Variants in ABCD3 observed in about 807,000 individuals in gnomAD.
ABCD3 encodes ATP binding cassette subfamily D member 3, also known as ATP-binding cassette sub-family D member 3.
A neutral mutation model predicts 105.5 loss-of-function variants in ABCD3; 41 were observed. That is an observed-to-expected ratio of 0.39 (90% CI 0.30 to 0.50). ABCD3 has a LOEUF of 0.50. ABCD3 is among the 20% of genes least tolerant of loss of function. The pLI, the probability that ABCD3 is intolerant of heterozygous loss-of-function variation, is 0.84. For missense variants in ABCD3, 622 were observed against 806.3 expected, an observed-to-expected ratio of 0.77 and a Z score of 2.77; for synonymous variants, 258 against 269.0, an observed-to-expected ratio of 0.96 and a Z score of 0.40.
At chr1:94,461,887 A>T (rs1292715105) in intron 2 of ABCD3, among the ~76,000 whole-genome samples, 1 of 152,174 alleles carries the variant, frequency 6.6e-6, no homozygotes, top group East Asian at 1.9e-4. Context: ...TTGATAAATG[A>T]TACATAATAG....
At chr1:94,470,561 T>C (rs1648403641) in intron 4 of ABCD3, among the ~76,000 whole-genome samples, 1 of 152,150 alleles carries the variant, frequency 6.6e-6, no homozygotes, top group African/African-American at 2.4e-5. Context: ...TCACTGAACA[T>C]TGGTATGAAT....
intron 21 of ABCD3, among the ~76,000 whole-genome samples, chr1:94,513,112 T>C (rs1178882380): frequency 6.6e-6 from 1 of 152,128 alleles, no homozygotes; most frequent in African/African-American, 2.4e-5. Context: ...TGCTATTCTT[T>C]GTAGAAAGAT....
At chr1:94,473,459 A>C (rs1557677766) in intron 4 of ABCD3, among the ~76,000 whole-genome samples, 2 of 152,146 alleles carry the variant, frequency 1.3e-5, no homozygotes, top group South Asian at 4.1e-4. Flanking sequence ...GTTAATTGTT[A>C]TGCTAGCTTA....
Position 94,499,621 on chromosome 1 carries a change from A to G in ABCD3, c.1740+7A>G. 3 of 1,613,416 alleles carry G rather than the reference A, an allele frequency of 1.9e-6. No individual in the cohort carries two copies. Among genetic ancestry groups the G allele is most frequent in the Non-Finnish European group, 1.7e-6 (2 of 1,179,552 alleles). On this transcript the variant is annotated splice_region_variant and intron_variant, in intron 20 of 22. Transcript: ENST00000370214. Reference sequence around the variant, plus strand: ...AGAAAAGCAAAGAATGGCGGTAAGTATACTGTGAAGAAGTTGCACAAGAAT... The same window carrying G: ...AGAAAAGCAAAGAATGGCGGTAAGTGTACTGTGAAGAAGTTGCACAAGAAT...
chr1:94,399,937 T>G, the ABCD3 span, among the ~76,000 whole-genome samples: 1 of 152,106 alleles, frequency 6.6e-6, no homozygotes, highest in African/African-American at 2.4e-5. Flanking sequence ...CAGAAGGTCA[T>G]AGCATCTGGA....
chr1:94,428,537 G>T (rs1490085272), intron 1 of ABCD3, among the ~76,000 whole-genome samples: 1 of 152,220 alleles, frequency 6.6e-6, no homozygotes, highest in East Asian at 1.9e-4. Context: ...AGTACGATAT[G>T]GTTTGGCTGT....
the ABCD3 span, among the ~76,000 whole-genome samples, chr1:94,389,080 C>T: frequency 7.9e-5 from 12 of 152,300 alleles, no homozygotes; most frequent in East Asian, 1.7e-3. Context: ...CTATTGGTAT[C>T]GCACACTTCA....
chr1:94,471,833 A>G (rs985599922), intron 4 of ABCD3, among the ~76,000 whole-genome samples: 4 of 152,134 alleles, frequency 2.6e-5, no homozygotes, highest in Non-Finnish European at 4.4e-5. Flanking sequence ...CCTCAAAGAG[A>G]CTTATTATGG....
At chr1:94,413,721 C>A (rs1157748906), upstream of ABCD3, among the ~76,000 whole-genome samples, 3 of 152,122 alleles carry the variant, frequency 2.0e-5, no homozygotes, top group Admixed American at 2.0e-4. Flanking sequence ...CTTTTCTGAG[C>A]AAAGATGATT....
At chr1:94,492,891 CT>C (rs1481003727) in intron 16 of ABCD3, among the ~76,000 whole-genome samples, 5 of 152,292 alleles carry the variant, frequency 3.3e-5, no homozygotes, top group South Asian at 2.1e-4. Context: ...AAAGCTGTCA[CT>C]TTCTTTTTAG....
intron 21 of ABCD3, among the ~76,000 whole-genome samples, chr1:94,509,200 T>C (rs1315203382): frequency 1.3e-5 from 2 of 152,230 alleles, no homozygotes; most frequent in Non-Finnish European, 2.9e-5. Flanking sequence ...CATGAATGGT[T>C]GTTGAATTTT....
intron 4 of ABCD3, 124 bp from the exon 5 acceptor site, chr1:94,473,642 T>C: frequency 1.2e-6 from 1 of 818,612 alleles, no homozygotes; most frequent in Non-Finnish European, 2.0e-6. Flanking sequence ...TTTTAGCATC[T>C]TTTTTATTGA....
At chr1:94,426,606 A>C (rs1659478133) in intron 1 of ABCD3, among the ~76,000 whole-genome samples, 1 of 150,684 alleles carries the variant, frequency 6.6e-6, no homozygotes, top group Non-Finnish European at 1.5e-5. Flanking sequence ...GCAGTGGTGC[A>C]ATTTTGGCTT....
At chr1:94,453,323 C>CTT (rs766404829) in intron 1 of ABCD3, among the ~76,000 whole-genome samples, 10 of 135,460 alleles carry the variant, frequency 7.4e-5, no homozygotes, top group African/African-American at 1.4e-4. Flanking sequence ...TTATATTTTT[C>CTT]TTTTTTTTTT....
At chr1:94,480,366 C>T in intron 8 of ABCD3, 98 bp from the exon 9 acceptor site, 1 of 1,476,314 alleles carries the variant, frequency 6.8e-7, no homozygotes, top group Non-Finnish European at 9.4e-7. Flanking sequence ...TTCTTTCAGT[C>T]ATTGAGGTTA....
Position 94,480,470 on chromosome 1 carries a change from G to A in ABCD3, c.691G>A (p.Ala231Thr), listed in dbSNP as rs760109458. ...LTSAIGAQGP[A>T]SMMAYLVVSG... is the part of the protein sequence containing the mutation. ...TCTCTCCCAATAATAATAGGGCCCAGCGAGCATGATGGCCTACTTGGTTGT... is the reference window on the plus strand; with the variant it reads ...TCTCTCCCAATAATAATAGGGCCCAACGAGCATGATGGCCTACTTGGTTGT... Residue 231 changes from alanine (A) to threonine (T), a missense_variant, in exon 9 of 23, where the codon GCG becomes ACG. This residue lies in a region of ABCD3 where 245 missense variants were observed against 356.4 expected (regional missense o/e 0.69). Coordinates refer to ENST00000370214, the MANE Select transcript of ABCD3 (RefSeq NM_002858.4). The A allele has an allele frequency of 6.2e-6, 10 of 1,613,690 alleles. No individual in the cohort carries two copies. The Admixed American group carries it at 1.5e-4, about 24-fold the overall frequency.
intron 19 of ABCD3, 40 bp from the exon 20 acceptor site, chr1:94,499,455 A>C (rs1314909532): frequency 3.1e-6 from 5 of 1,593,198 alleles, no homozygotes; most frequent in African/African-American, 1.3e-5. Flanking sequence ...ATGTTGGCTT[A>C]TATTAAGTTT....
At chr1:94,479,458 T>TA (rs1648928389) in intron 8 of ABCD3, among the ~76,000 whole-genome samples, 1 of 152,056 alleles carries the variant, frequency 6.6e-6, no homozygotes, top group Non-Finnish European at 1.5e-5. Flanking sequence ...CTTGAATACT[T>TA]ACTAGCACAT....
At chr1:94,510,484 G>A (rs1362687001) in intron 21 of ABCD3, among the ~76,000 whole-genome samples, 1 of 152,180 alleles carries the variant, frequency 6.6e-6, no homozygotes, top group Non-Finnish European at 1.5e-5. Context: ...GGGGTGGAGA[G>A]TTCTGTAGAT....
Sources: gnomAD v4.1 joint callset for allele counts (sites outside exome capture counted in the v4.1 genomes callset) on GRCh38, gnomAD v4.1.1 for gene constraint, gnomAD v4.1.1 regional missense constraint, MANE v1.5 for transcripts, NCBI Gene and HGNC (gene_info 2026-07-23, HGNC 2026-07-21) for gene names.